SFPQ: variants seen among roughly 807,000 people sequenced by gnomAD.
SFPQ encodes splicing factor, proline- and glutamine-rich.
Under a neutral mutation model 72.9 loss-of-function variants are expected in SFPQ, and 11 were observed. The ratio of observed to expected loss-of-function variants is 0.15; its 90% CI spans 0.09 to 0.25. SFPQ has a LOEUF of 0.25. Ranked by LOEUF, SFPQ falls within the 10% of genes least tolerant of loss-of-function variation. The pLI is 1.00. For synonymous variants in SFPQ, 506 were observed against 367.3 expected, an observed-to-expected ratio of 1.38 and a Z score of -4.32; for missense variants, 847 against 993.3, an observed-to-expected ratio of 0.85 and a Z score of 1.98.
rs1285697381 is a variant in SFPQ at position 35,193,121 on chromosome 1, T to C, written c.-72A>G. 11 of 1,485,062 alleles carry C rather than the reference T, an allele frequency of 7.4e-6. No individual in the cohort carries two copies. In the East Asian group the frequency reaches 1.8e-4, roughly 24 times the overall value. The allele number at this position is 1,485,062 out of a possible 1,614,324, so 92.0% of individuals were successfully genotyped here. On this transcript the variant is annotated 5_prime_UTR_variant, in exon 1 of 10. Coordinates refer to ENST00000357214, the MANE Select transcript of SFPQ (RefSeq NM_005066.3). ...GGAAACGTGGAGGCCACCTTGCTTC[T>C]CACAAAATGGCGGATGACACAGGCG...
chr1:35,182,837 T>C, downstream of SFPQ: 1 of 1,048,700 alleles, frequency 9.5e-7, no homozygotes, highest in Non-Finnish European at 1.2e-6. Context: ...CCCATTATAC[T>C]AACAGGCAAC....
At chr1:35,186,865 T>C (rs1184280562) in intron 9 of SFPQ, 136 bp downstream of exon 9, 1 of 788,606 alleles carries the variant, frequency 1.3e-6, no homozygotes, top group African/African-American at 1.7e-5. Context: ...ATATTACATA[T>C]TTATGTATGA....
downstream of SFPQ, chr1:35,179,397 G>A (rs749530948): frequency 4.0e-5 from 42 of 1,056,254 alleles, no homozygotes; most frequent in Admixed American, 1.1e-4. Context: ...AGAAAGCACC[G>A]GTATCTGTTC....
intron 9 of SFPQ, among the ~76,000 whole-genome samples, chr1:35,185,703 A>G (rs1639678454): frequency 6.6e-6 from 1 of 152,210 alleles, no homozygotes; most frequent in South Asian, 2.1e-4. Flanking sequence ...TAAACAAAAT[A>G]CTATTGAGCT....
chr1:35,192,215 C>CA lies in SFPQ; in HGVS notation c.828+6dup. 6.9e-7 allele frequency: 1 copy of CA among 1,451,808 alleles called. No homozygotes were observed. Among genetic ancestry groups the CA allele is most frequent in the Non-Finnish European group, 9.0e-7 (1 of 1,109,960 alleles). 89.9% of individuals were successfully genotyped at this position (1,451,808 alleles called of 1,614,324 possible). ...GGAGCCGACGCGTCGCTCCCATAGA[C>CA]ACTCACCTCCGAGTCCGAGATCTTC... On this transcript the variant is annotated splice_region_variant and intron_variant, in intron 1 of 9. Coordinates refer to ENST00000357214, the MANE Select transcript of SFPQ (RefSeq NM_005066.3).
chr1:35,180,013 G>A, downstream of SFPQ: 1 of 1,050,808 alleles, frequency 9.5e-7, no homozygotes, highest in Non-Finnish European at 1.2e-6. Flanking sequence ...TCATCTATCA[G>A]TAGAGTCCAA....
downstream of SFPQ, chr1:35,180,639 CA>C (rs1639428497): frequency 4.8e-6 from 5 of 1,052,198 alleles, no homozygotes; most frequent in East Asian, 5.4e-5. Context: ...AATCGCATTA[CA>C]AAAAAACCTG....
Position 35,187,119 on chromosome 1 carries a change from G to T in SFPQ, c.1868C>A (p.Pro623His), listed in dbSNP as rs745648598. ...GGGGAMNMGD[P>H]YGSGGQKFPP... ...AAATTTCTGGCCTCCTGAACCATAG[G>T]GATCTAGAAAACAAAAATAGTGGTT... The change falls in exon 9 of 10, where the codon CCC becomes CAC. Residue 623 changes from proline to histidine, a missense_variant. Transcript: ENST00000357214. 13 of 1,613,592 alleles carry T rather than the reference G, an allele frequency of 8.1e-6. No individual in the cohort carries two copies. The African/African-American group carries it at 1.6e-4, about 20-fold the overall frequency.
rs764561268 is a variant in SFPQ, at chr1:35,192,623, G to A, written c.427C>T (p.Pro143Ser). 2.2e-6 allele frequency: 3 copies of A among 1,370,904 alleles called. No homozygotes were observed. The highest frequency in any genetic ancestry group is 1.9e-6 in the Non-Finnish European group (2 of 1,070,628). The allele number at this position is 1,370,904 out of a possible 1,614,324, so 84.9% of individuals were successfully genotyped here. Residue 143 changes from proline (P) to serine (S), a missense_variant, in exon 1 of 10, where the codon CCA becomes TCA. By Grantham distance (74) the Pro-to-Ser change is moderately conservative (BLOSUM62 -1). Around this residue, in one of 6 missense-constraint regions of SFPQ, gnomAD observed 498 missense variants for 405.1 expected, o/e 1.23. Coordinates refer to ENST00000357214, the MANE Select transcript of SFPQ (RefSeq NM_005066.3). ...GGAGTCGGGCCTGGCCCGGACCCTG[G>A]CGGGGCCCCCGAGGTTGGTGGAGTG... ...PATPPTSGAPPGSGPGPTPTP... is the reference protein window; with the variant it reads ...PATPPTSGAPSGSGPGPTPTP...
chr1:35,192,481 G>C lies in SFPQ; in HGVS notation c.569C>G (p.Ala190Gly). The change falls in exon 1 of 10, where the codon GCA becomes GGA. Residue 190 changes from alanine (A) to glycine (G), a missense_variant. Around this residue, in one of 6 missense-constraint regions of SFPQ, gnomAD observed 498 missense variants for 405.1 expected, o/e 1.23. Coordinates refer to ENST00000357214, the MANE Select transcript of SFPQ (RefSeq NM_005066.3). ...QAGGPPPPPA[A>G]VPGPGPGPKQ... Reference sequence around the variant, plus strand: ...AGGCCCTGGACCCGGGCCCGGGACTGCCGCGGGCGGAGGCGGCGGGCCTCC... The same window carrying C: ...AGGCCCTGGACCCGGGCCCGGGACTCCCGCGGGCGGAGGCGGCGGGCCTCC... 7.5e-7 allele frequency: 1 copy of C among 1,330,718 alleles called. No individual in the cohort carries two copies. The highest frequency in any genetic ancestry group is 9.5e-7 in the Non-Finnish European group (1 of 1,047,652). The allele number at this position is 1,330,718 out of a possible 1,614,324, so 82.4% of individuals were successfully genotyped here. A position where few individuals can be genotyped will look rare whatever the true frequency, so the allele number is the denominator to read the frequency against.
At chr1:35,179,469 C>A, downstream of SFPQ, 1 of 1,054,758 alleles carries the variant, frequency 9.5e-7, no homozygotes. Context: ...AGACTGTTCT[C>A]ATTAAAAATA....
At chr1:35,182,701 T>C (rs1397005483), downstream of SFPQ, 10 of 985,424 alleles carry the variant, frequency 1.0e-5, no homozygotes, top group Non-Finnish European at 1.2e-5. Flanking sequence ...ACACATTCCA[T>C]AGTAAGAATT....
At chr1:35,182,895 G>C, downstream of SFPQ, 1 of 1,045,642 alleles carries the variant, frequency 9.6e-7, no homozygotes, top group African/African-American at 1.7e-5. Context: ...CTAATGGAAG[G>C]GGGTTCAATG....
At chr1:35,181,071 A>G, downstream of SFPQ, 1 of 1,065,106 alleles carries the variant, frequency 9.4e-7, no homozygotes, top group South Asian at 4.5e-5. Flanking sequence ...ATGTGATGCC[A>G]GAATGCCCAC....
At chr1:35,188,229 T>C (rs1347453892) in intron 6 of SFPQ, 139 bp from the exon 7 acceptor site, 1 of 667,908 alleles carries the variant, frequency 1.5e-6, no homozygotes, top group Non-Finnish European at 2.7e-6. Flanking sequence ...AGGGGCATAG[T>C]ACTAAAGACA....
chr1:35,179,946 C>T, downstream of SFPQ: 1 of 1,055,098 alleles, frequency 9.5e-7, no homozygotes, highest in Non-Finnish European at 1.1e-6. Flanking sequence ...GAGCATTATA[C>T]TTGATCTGCA....
Position 35,182,972 on chromosome 1 carries a change from T to C in SFPQ, c.*1484A>G, listed in dbSNP as rs1413367460. The C allele has an allele frequency of 3.8e-6, 4 of 1,042,492 alleles. No individual in the cohort carries two copies. The highest frequency in any genetic ancestry group is 4.6e-6 in the Non-Finnish European group (4 of 865,114). The allele number at this position is 1,042,492 out of a possible 1,614,324, so 64.6% of individuals were successfully genotyped here. Reference sequence around the variant, plus strand: ...CCTTTATGGTGGGAGGAAGGGATATTTGTACTGTGTAGCATGAGCAACTTT... The same window carrying C: ...CCTTTATGGTGGGAGGAAGGGATATCTGTACTGTGTAGCATGAGCAACTTT... On this transcript the variant is annotated 3_prime_UTR_variant, in exon 10 of 10. Transcript: ENST00000357214.
At chr1:35,188,375 A>C (rs1639829879) in intron 6 of SFPQ, among the ~76,000 whole-genome samples, 2 of 152,226 alleles carry the variant, frequency 1.3e-5, no homozygotes, top group African/African-American at 4.8e-5. Context: ...CTTTTCCCTA[A>C]ATGTCAGAAT....
chr1:35,180,740 C>T (rs1384448195), downstream of SFPQ: 4 of 1,060,174 alleles, frequency 3.8e-6, no homozygotes, highest in Non-Finnish European at 4.6e-6. Context: ...CAGTTTGCTA[C>T]AATAGAGACT....
Sources: gnomAD v4.1 joint callset for allele counts (sites outside exome capture counted in the v4.1 genomes callset) on GRCh38, gnomAD v4.1.1 for gene constraint, gnomAD v4.1.1 regional missense constraint, MANE v1.5 for transcripts, NCBI Gene and HGNC (gene_info 2026-07-23, HGNC 2026-07-21) for gene names.